The following KCNH8 variants were observed in gnomAD, a reference collection of about 807,000 sequenced individuals.
KCNH8 encodes voltage-gated delayed rectifier potassium channel KCNH8.
KCNH8 carries 70 observed loss-of-function variants against 103.6 expected under a neutral mutation model. That is an observed-to-expected ratio of 0.68 (90% CI 0.56 to 0.82). The LOEUF is 0.82. Ranked by LOEUF, KCNH8 falls within the 40% of genes least tolerant of loss-of-function variation. The pLI is 0.00. For synonymous variants in KCNH8, 498 were observed against 489.4 expected (o/e 1.02, Z -0.23); for missense variants, 1,217 against 1,329.9 (o/e 0.92, Z 1.32).
At chr3:19,399,302 G>A (rs2066572800) in intron 7 of KCNH8, among the ~76,000 whole-genome samples, 1 of 151,844 alleles carries the variant, frequency 6.6e-6, no homozygotes, top group Non-Finnish European at 1.5e-5. Context: ...ACAAGAGGAC[G>A]TCAATAAATA....
At chr3:19,305,517 A>G (rs960337972) in intron 3 of KCNH8, among the ~76,000 whole-genome samples, 1 of 152,162 alleles carries the variant, frequency 6.6e-6, no homozygotes, top group Non-Finnish European at 1.5e-5. Context: ...CATCCTGCCC[A>G]GAGCAGGCAG....
Position 19,430,411 on chromosome 3 carries a change from T to G in KCNH8, c.1178-7753T>G, listed in dbSNP as rs113660286. On this transcript the variant is annotated intron_variant, in intron 7 of 15. Transcript: ENST00000328405. ...GGGTAGCATGATGCCTCCAGCTTTG[T>G]TTTTTTTTGTTTTTGTTTTTATTTG... is the stretch of plus-strand genomic sequence containing the variant. 3.1e-3 allele frequency among the ~76,000 whole-genome samples: 452 copies of G among 147,092 alleles called. 4 individuals are homozygous for G. Among genetic ancestry groups the G allele is most frequent in the African/African-American group, 0.011 (440 of 40,888 alleles).
intron 10 of KCNH8, among the ~76,000 whole-genome samples, chr3:19,455,554 C>A (rs2067518374): frequency 6.6e-6 from 1 of 152,000 alleles, no homozygotes; most frequent in Non-Finnish European, 1.5e-5. Flanking sequence ...TAAATCTAGA[C>A]AGTAAGAAGG....
rs1043072248 is a variant in KCNH8, at chr3:19,489,536, A to C, written c.2041-20827A>C. ...AGGGACCTGTCCAGGCTTCCTTCTGATGGCCAACGTACCTGTAATGCTGGC... is the reference window on the plus strand; with the variant it reads ...AGGGACCTGTCCAGGCTTCCTTCTGCTGGCCAACGTACCTGTAATGCTGGC... On this transcript the variant is annotated intron_variant, in intron 11 of 15. Coordinates refer to ENST00000328405, the MANE Select transcript of KCNH8 (RefSeq NM_144633.3). 1.1e-4 allele frequency among the ~76,000 whole-genome samples: 16 copies of C among 152,152 alleles called. No homozygotes were observed. The East Asian group carries it at 3.1e-3, about 29-fold the overall frequency.
intron 3 of KCNH8, among the ~76,000 whole-genome samples, chr3:19,298,921 CAAAA>C (rs56304109): frequency 5.6e-4 from 43 of 77,058 alleles, no homozygotes; most frequent in African/African-American, 2.1e-3. Flanking sequence ...GACTCCGTCT[CAAAA>C]AAAAAAAAAA....
intron 10 of KCNH8, among the ~76,000 whole-genome samples, chr3:19,454,697 T>TA (rs1489291905): frequency 2.0e-5 from 3 of 152,160 alleles, no homozygotes; most frequent in Admixed American, 2.0e-4. Context: ...AAAAACTACT[T>TA]ACGGCTGAAA....
chr3:19,508,693 G>A (rs1179871920), intron 11 of KCNH8, among the ~76,000 whole-genome samples: 1 of 152,138 alleles, frequency 6.6e-6, no homozygotes, highest in Non-Finnish European at 1.5e-5. Flanking sequence ...TATTACCTGG[G>A]AGCTAACTAG....
chr3:19,431,012 CAAT>C (rs1385820265), intron 7 of KCNH8, among the ~76,000 whole-genome samples: 1 of 152,098 alleles, frequency 6.6e-6, no homozygotes, highest in Non-Finnish European at 1.5e-5. Context: ...CCAGAACTTC[CAAT>C]AATATGTTGA....
At chr3:19,391,249 G>A (rs531835790) in intron 6 of KCNH8, among the ~76,000 whole-genome samples, 2 of 152,046 alleles carry the variant, frequency 1.3e-5, no homozygotes, top group South Asian at 4.1e-4. Context: ...TCTTTTTCTT[G>A]CTCTAAATCC....
chr3:19,494,788 A>C (rs1316288548), intron 11 of KCNH8, among the ~76,000 whole-genome samples: 1 of 152,156 alleles, frequency 6.6e-6, no homozygotes, highest in African/African-American at 2.4e-5. Flanking sequence ...ACTTCTTTCC[A>C]TAATAGTTGA....
chr3:19,485,434 G>T (rs909547423), intron 11 of KCNH8, among the ~76,000 whole-genome samples: 1 of 152,222 alleles, frequency 6.6e-6, no homozygotes, highest in Admixed American at 6.5e-5. Flanking sequence ...ACGCACTGTT[G>T]TGCTACTGCT....
At chr3:19,489,753 G>A (rs2068280406) in intron 11 of KCNH8, among the ~76,000 whole-genome samples, 1 of 152,042 alleles carries the variant, frequency 6.6e-6, no homozygotes, top group Non-Finnish European at 1.5e-5. Flanking sequence ...CAGGTAAAGA[G>A]GGCACACACA....
At chr3:19,282,751 A>G (rs984160601) in intron 3 of KCNH8, among the ~76,000 whole-genome samples, 1 of 152,146 alleles carries the variant, frequency 6.6e-6, no homozygotes, top group African/African-American at 2.4e-5. Flanking sequence ...TGCAGTGAAT[A>G]ACAGCGGTGA....
At chr3:19,361,710 A>G (rs542010930) in intron 5 of KCNH8, among the ~76,000 whole-genome samples, 2 of 152,290 alleles carry the variant, frequency 1.3e-5, no homozygotes, top group South Asian at 2.1e-4. Context: ...AGCATTTCTT[A>G]TAAGCATATA....
intron 5 of KCNH8, among the ~76,000 whole-genome samples, chr3:19,376,932 A>G (rs2066216568): frequency 6.6e-6 from 1 of 152,232 alleles, no homozygotes; most frequent in African/African-American, 2.4e-5. Context: ...AGGTCATTCG[A>G]TGGGTACACA....
chr3:19,508,695 G>C (rs1027966461), intron 11 of KCNH8, among the ~76,000 whole-genome samples: 1 of 152,136 alleles, frequency 6.6e-6, no homozygotes, highest in Admixed American at 6.5e-5. Flanking sequence ...TTACCTGGGA[G>C]CTAACTAGAA....
chr3:19,335,002 T>C (rs1435709594), intron 3 of KCNH8, among the ~76,000 whole-genome samples: 1 of 151,986 alleles, frequency 6.6e-6, no homozygotes, highest in Admixed American at 6.6e-5. Flanking sequence ...TTTTTCTGTA[T>C]TTCCCAATTT....
At chr3:19,298,921 C>CAAAAAA (rs56304109) in intron 3 of KCNH8, among the ~76,000 whole-genome samples, 20 of 77,076 alleles carry the variant, frequency 2.6e-4, no homozygotes, top group Non-Finnish European at 1.2e-4. Context: ...GACTCCGTCT[C>CAAAAAA]AAAAAAAAAA....
At chr3:19,194,055 A>G (rs1357265942) in intron 1 of KCNH8, among the ~76,000 whole-genome samples, 1 of 151,858 alleles carries the variant, frequency 6.6e-6, no homozygotes, top group Non-Finnish European at 1.5e-5. Flanking sequence ...GTAACTACCT[A>G]AATGATATAT....
Sources: allele counts gnomAD v4.1 joint callset (sites outside exome capture counted in the v4.1 genomes callset), GRCh38; gene constraint gnomAD v4.1.1; transcripts MANE v1.5; gene names NCBI Gene and HGNC (gene_info 2026-07-23, HGNC 2026-07-21).